Variants in B4GALT1 observed in about 807,000 individuals in gnomAD.
B4GALT1 encodes beta-1,4-galactosyltransferase 1.
A neutral mutation model predicts 34.9 loss-of-function variants in B4GALT1; 16 were observed. The ratio of observed to expected loss-of-function variants is 0.46; its 90% CI spans 0.31 to 0.70. The LOEUF (loss-of-function observed/expected upper bound fraction) is 0.70, where lower values mean the gene tolerates loss of function less well. Among genes scored for constraint, B4GALT1 ranks in the 30% least tolerant of loss-of-function variants. B4GALT1 has a pLI of 0.05. For synonymous variants in B4GALT1, 221 were observed against 218.1 expected (o/e 1.01, Z -0.12); for missense variants, 445 against 530.5 (o/e 0.84, Z 1.58).
At chr9:33,126,632 T>G (rs1840105292) in intron 2 of B4GALT1, among the ~76,000 whole-genome samples, 2 of 152,236 alleles carry the variant, frequency 1.3e-5, no homozygotes, top group Non-Finnish European at 1.5e-5. Context: ...TTAACCATTG[T>G]TAACATTGTT....
chr9:33,131,110 G>A (rs1840188720), intron 2 of B4GALT1, among the ~76,000 whole-genome samples: 1 of 152,174 alleles, frequency 6.6e-6, no homozygotes. Context: ...GGCAGTCTGA[G>A]CACACAGCAC....
chr9:33,151,178 C>T (rs1368333790), intron 1 of B4GALT1, among the ~76,000 whole-genome samples: 1 of 152,206 alleles, frequency 6.6e-6, no homozygotes, highest in Non-Finnish European at 1.5e-5. Flanking sequence ...GCTCTGACTG[C>T]TGACTCACCA....
the B4GALT1 span, among the ~76,000 whole-genome samples, chr9:33,173,408 A>G: frequency 1.3e-5 from 2 of 151,878 alleles, no homozygotes; most frequent in East Asian, 3.9e-4. Flanking sequence ...CCGTCTCAAA[A>G]AAAAAAGCAA....
intron 1 of B4GALT1, among the ~76,000 whole-genome samples, chr9:33,145,233 T>C (rs1181172502): frequency 6.6e-6 from 1 of 151,874 alleles, no homozygotes; most frequent in African/African-American, 2.4e-5. Context: ...TTAAAATAAG[T>C]TTTCTCCAGG....
rs370825409 is a variant in B4GALT1, at chr9:33,113,520, C to T, written c.1131G>A (p.Gln377=). 5.6e-6 allele frequency: 9 copies of T among 1,614,118 alleles called. No homozygotes were observed. The highest frequency in any genetic ancestry group is 5.9e-6 in the Non-Finnish European group (7 of 1,180,054). ...LSDGLNSLTY[Q]VLDVQRYPLY... Reference sequence around the variant, plus strand: ...ATGGGTATCTCTGTACATCCAGCACCTGGTAGGTGAGTGAGTTCAAACCAT... The same window carrying T: ...ATGGGTATCTCTGTACATCCAGCACTTGGTAGGTGAGTGAGTTCAAACCAT... The change falls in exon 6 of 6, where the codon CAG becomes CAA. Residue 377 remains glutamine (Q), a synonymous_variant. Transcript: ENST00000379731.
Position 33,111,269 on chromosome 9 carries a change from A to AAAAAAAAAAAAAAAAAAAAAAAAAAAAC in B4GALT1, c.*2184_*2185insGTTTTTTTTTTTTTTTTTTTTTTTTTTT, listed in dbSNP as rs1564033722. ...GGTAACCAAAAAAAAAAAAAAAAAA[A>AAAAAAAAAAAAAAAAAAAAAAAAAAAAC]AAAAAAAAACAACAAGAAAAGGTAG... On this transcript the variant is annotated 3_prime_UTR_variant, in exon 6 of 6. Coordinates refer to ENST00000379731, the MANE Select transcript of B4GALT1 (RefSeq NM_001497.4). The AAAAAAAAAAAAAAAAAAAAAAAAAAAAC allele has an allele frequency of 6.9e-6, 1 of 144,694 alleles. No homozygotes were observed. The highest frequency in any genetic ancestry group is 2.6e-5 in the African/African-American group (1 of 38,322). 9.0% of individuals were successfully genotyped at this position (144,694 alleles called of 1,614,324 possible).
intron 1 of B4GALT1, among the ~76,000 whole-genome samples, chr9:33,157,063 T>TACACACACACACACACACAC (rs371027641): frequency 0.013 from 1,120 of 87,290 alleles, 118 homozygotes; most frequent in East Asian, 0.042. Flanking sequence ...CATAGGGAAC[T>TACACACACACACACACACAC]ACACACACAC....
At chr9:33,162,574 C>T (rs185062984) in intron 1 of B4GALT1, among the ~76,000 whole-genome samples, 9 of 152,294 alleles carry the variant, frequency 5.9e-5, no homozygotes, top group Non-Finnish European at 1.2e-4. Flanking sequence ...TCTTCTGAAA[C>T]GCTAGGGCAT....
intron 1 of B4GALT1, among the ~76,000 whole-genome samples, chr9:33,158,437 T>C (rs1309149506): frequency 6.6e-6 from 1 of 152,180 alleles, no homozygotes; most frequent in Non-Finnish European, 1.5e-5. Context: ...CAGTCCAAAC[T>C]GCACCACCTT....
chr9:33,139,897 C>G (rs1275593113), intron 1 of B4GALT1, among the ~76,000 whole-genome samples: 2 of 152,242 alleles, frequency 1.3e-5, no homozygotes, highest in Non-Finnish European at 2.9e-5. Context: ...TTTCTTGGCT[C>G]TGGAAGCTGG....
chr9:33,148,948 T>C (rs552305846), intron 1 of B4GALT1, among the ~76,000 whole-genome samples: 1 of 152,284 alleles, frequency 6.6e-6, no homozygotes, highest in South Asian at 2.1e-4. Flanking sequence ...AACATCAGAA[T>C]ACATAATGAT....
At chr9:33,131,694 C>CA (rs1252155277) in intron 2 of B4GALT1, among the ~76,000 whole-genome samples, 2 of 152,120 alleles carry the variant, frequency 1.3e-5, no homozygotes, top group Non-Finnish European at 2.9e-5. Context: ...GGCTAACAGC[C>CA]CATAAGGTTT....
chr9:33,104,870 T>C lies in B4GALT1; in HGVS notation c.649-89A>G, dbSNP rs1394965490. 6 of 414,556 alleles carry C rather than the reference T, an allele frequency of 1.4e-5. No individual in the cohort carries two copies. The East Asian group carries it at 4.3e-4, about 30-fold the overall frequency. The allele number at this position is 414,556 out of a possible 1,614,324, so 25.7% of individuals were successfully genotyped here. ...TCTCACTCTGTTGCCCAGGCTGGAG[T>C]GCAGTGACGTGCTAAGTAAATGAAC... is the stretch of plus-strand genomic sequence containing the variant. On this transcript the variant is annotated intron_variant, in intron 2 of 2. Coordinates refer to the B4GALT1 transcript ENST00000535206.
At chr9:33,158,538 G>A (rs1048620328) in intron 1 of B4GALT1, among the ~76,000 whole-genome samples, 2 of 152,152 alleles carry the variant, frequency 1.3e-5, no homozygotes, top group Admixed American at 1.3e-4. Flanking sequence ...TGGAATTTCA[G>A]CTTTAGTATT....
At chr9:33,167,352 G>T (rs996119225), upstream of B4GALT1, 1 of 763,492 alleles carries the variant, frequency 1.3e-6, no homozygotes, top group Non-Finnish European at 1.8e-6. Context: ...GAAGCCGCCC[G>T]AGGCGCCGGC....
At chr9:33,114,328 G>T (rs1173124941) in intron 4 of B4GALT1, among the ~76,000 whole-genome samples, 4 of 152,206 alleles carry the variant, frequency 2.6e-5, no homozygotes, top group Admixed American at 1.3e-4. Context: ...GATGGCACAG[G>T]CAAAGGCATG....
chr9:33,130,537 C>T (rs1437563873), intron 2 of B4GALT1, among the ~76,000 whole-genome samples: 1 of 151,294 alleles, frequency 6.6e-6, no homozygotes, highest in Non-Finnish European at 1.5e-5. Flanking sequence ...GAAAGCCTCT[C>T]CCGGCTCATT....
At chr9:33,172,919 G>T in the B4GALT1 span, among the ~76,000 whole-genome samples, 15,777 of 150,424 alleles carry the variant, frequency 0.1, 887 homozygotes, top group African/African-American at 0.14. Flanking sequence ...AGCCCAACCA[G>T]GATAGGGAGG....
At chr9:33,127,327 C>T (rs1313362474) in intron 2 of B4GALT1, among the ~76,000 whole-genome samples, 2 of 152,072 alleles carry the variant, frequency 1.3e-5, no homozygotes, top group Admixed American at 6.5e-5. Context: ...TCCCAGGGCC[C>T]GACACACTGA....
Sources: gnomAD v4.1 joint callset for allele counts (sites outside exome capture counted in the v4.1 genomes callset) on GRCh38, gnomAD v4.1.1 for gene constraint, MANE v1.5 for transcripts, NCBI Gene and HGNC (gene_info 2026-07-23, HGNC 2026-07-21) for gene names.